The following IGF2BP2 variants were observed in gnomAD, a reference collection of about 807,000 sequenced individuals.
The protein encoded by IGF2BP2 is insulin-like growth factor 2 mRNA-binding protein 2.
In IGF2BP2, 17 loss-of-function variants were observed where a neutral mutation model predicts 75.8. That is an observed-to-expected ratio of 0.22 (90% confidence interval 0.15 to 0.34). The LOEUF (loss-of-function observed/expected upper bound fraction) is 0.34. IGF2BP2 is among the 10% of genes least tolerant of loss of function. The probability of loss-of-function intolerance (pLI) is 1.00; values close to 1 mark genes in which losing one functional copy is unlikely to be tolerated. For synonymous variants in IGF2BP2, 288 were observed against 295.6 expected (o/e 0.97, Z 0.26); for missense variants, 516 against 772.4 (o/e 0.67, Z 3.93).
chr3:185,712,070 T>C (rs968528551), intron 2 of IGF2BP2, among the ~76,000 whole-genome samples: 1 of 152,222 alleles, frequency 6.6e-6, no homozygotes, highest in African/African-American at 2.4e-5. Context: ...GAGCCAGCAC[T>C]GAATCAGGAG....
chr3:185,663,408 T>C (rs1210370153), intron 10 of IGF2BP2, among the ~76,000 whole-genome samples: 1 of 152,198 alleles, frequency 6.6e-6, no homozygotes, highest in Non-Finnish European at 1.5e-5. Context: ...TTTCAAACTC[T>C]CAACTTCAGG....
At chr3:185,675,009 C>CTTTTTTTTTTTTTTTT (rs777364824) in intron 9 of IGF2BP2, 197 of 109,840 alleles carry the variant, frequency 1.8e-3, no homozygotes, top group East Asian at 3.0e-3. Flanking sequence ...TCTTGCTTTT[C>CTTTTTTTTTTTTTTTT]TTTTTTTTTT....
rs148922044 is a variant in IGF2BP2, at chr3:185,663,389, A to G, written c.1201-4980T>C. On this transcript the variant is annotated intron_variant, in intron 10 of 15. Coordinates refer to ENST00000382199, the MANE Select transcript of IGF2BP2 (RefSeq NM_006548.6). ...AGAGGGAGATGGGTAATTGTTATCC[A>G]CAGGCTTGTTTCAAACTCTCAACTT... 4.1e-3 allele frequency among the ~76,000 whole-genome samples: 630 copies of G among 152,328 alleles called. 6 individuals carry two copies. Among genetic ancestry groups the G allele is most frequent in the African/African-American group, 0.014 (596 of 41,568 alleles).
At chr3:185,697,728 T>A (rs1722767898) in intron 3 of IGF2BP2, among the ~76,000 whole-genome samples, 1 of 152,162 alleles carries the variant, frequency 6.6e-6, no homozygotes, top group Non-Finnish European at 1.5e-5. Flanking sequence ...AAGATAAAAA[T>A]CTTTTTAAAA....
At chr3:185,732,945 C>T (rs912646572) in intron 2 of IGF2BP2, among the ~76,000 whole-genome samples, 5 of 152,154 alleles carry the variant, frequency 3.3e-5, no homozygotes, top group African/African-American at 1.2e-4. Flanking sequence ...TGCTACTGTC[C>T]TGTTAATCCC....
intron 2 of IGF2BP2, among the ~76,000 whole-genome samples, chr3:185,758,346 C>T (rs892748565): frequency 6.6e-6 from 1 of 152,178 alleles, no homozygotes; most frequent in Non-Finnish European, 1.5e-5. Context: ...CAAGAGAAAG[C>T]ACAGGCTTCG....
chr3:185,801,827 C>T (rs968690681), intron 2 of IGF2BP2, among the ~76,000 whole-genome samples: 4 of 152,102 alleles, frequency 2.6e-5, no homozygotes, highest in African/African-American at 9.7e-5. Context: ...GCATGGAATA[C>T]TATGTAGCCA....
chr3:185,773,623 T>G (rs1016163082), intron 2 of IGF2BP2, among the ~76,000 whole-genome samples: 5 of 151,716 alleles, frequency 3.3e-5, no homozygotes, highest in Non-Finnish European at 7.4e-5. Flanking sequence ...CAAGGAGGGG[T>G]TTATTTATAA....
chr3:185,687,463 A>G (rs1201109829), intron 6 of IGF2BP2, among the ~76,000 whole-genome samples: 2 of 152,248 alleles, frequency 1.3e-5, no homozygotes, highest in African/African-American at 4.8e-5. Context: ...TCAGTAATGA[A>G]GCCAGTTTGG....
chr3:185,781,773 T>TTGTTTG (rs1735230531), intron 2 of IGF2BP2, among the ~76,000 whole-genome samples: 3 of 151,968 alleles, frequency 2.0e-5, no homozygotes, highest in Admixed American at 2.0e-4. Flanking sequence ...GGGTCATAAG[T>TTGTTTG]TGTTTGTGTT....
In IGF2BP2 at chr3:185,647,851, TCACAGGC is replaced by T. The variant is rs1285761412; in HGVS notation, c.1594-720_1594-714del. On this transcript the variant is annotated intron_variant, in intron 14 of 15. Coordinates refer to ENST00000382199, the MANE Select transcript of IGF2BP2 (RefSeq NM_006548.6). This position sits in a 1 kb window ranked among gnomAD's most constrained non-coding sequence, Gnocchi z 4.9. ...CTGGCCCTCTGGCCTGATGCCGAGC[TCACAGGC>T]GGGTTCAGCATGTGCTTTAGGGGAA... 6.6e-6 allele frequency among the ~76,000 whole-genome samples: 1 copy of T among 152,254 alleles called. No homozygotes were observed. The highest frequency in any genetic ancestry group is 2.4e-5 in the African/African-American group (1 of 41,468).
intron 7 of IGF2BP2, among the ~76,000 whole-genome samples, chr3:185,686,214 T>C (rs1721110195): frequency 6.6e-6 from 1 of 152,134 alleles, no homozygotes; most frequent in African/African-American, 2.4e-5. Flanking sequence ...TGAAACCTTG[T>C]CTCTTCTAAA....
chr3:185,786,948 T>C (rs1735975271), intron 2 of IGF2BP2, among the ~76,000 whole-genome samples: 1 of 152,238 alleles, frequency 6.6e-6, no homozygotes, highest in Admixed American at 6.5e-5. Context: ...TTTCACAACC[T>C]TTCGAAATGT....
At chr3:185,658,071 T>C (rs1337490448) in intron 11 of IGF2BP2, among the ~76,000 whole-genome samples, 1 of 152,220 alleles carries the variant, frequency 6.6e-6, no homozygotes, top group African/African-American at 2.4e-5. Context: ...TCTGGCCTTC[T>C]GCTTGCCCAT....
At chr3:185,704,301 T>C (rs1560324056) in intron 2 of IGF2BP2, among the ~76,000 whole-genome samples, 1 of 152,210 alleles carries the variant, frequency 6.6e-6, no homozygotes, top group Non-Finnish European at 1.5e-5. Flanking sequence ...CATTAGTGTG[T>C]CTTTCCTATT....
chr3:185,661,811 T>G (rs1327541564), intron 10 of IGF2BP2, among the ~76,000 whole-genome samples: 1 of 151,634 alleles, frequency 6.6e-6, no homozygotes, highest in Non-Finnish European at 1.5e-5. Context: ...GTGAAAGAAA[T>G]GAACAAGAAC....
chr3:185,743,887 C>A (rs549480136), intron 2 of IGF2BP2, among the ~76,000 whole-genome samples: 1 of 152,316 alleles, frequency 6.6e-6, no homozygotes, highest in Admixed American at 6.5e-5. Context: ...CAAAGGTAAT[C>A]CGCACAAAAT....
Position 185,652,101 on chromosome 3 carries a change from T to G in IGF2BP2, c.1454A>C (p.Gln485Pro). 1 of 1,612,658 alleles carries G rather than the reference T, an allele frequency of 6.2e-7. No homozygotes were observed. Among genetic ancestry groups the G allele is most frequent in the Non-Finnish European group, 8.5e-7 (1 of 1,179,080 alleles). ...GTGTCCCTTGGCACTAACCTTGAACTGGGCTTCCGGTGGCCCGGTGATGAT... is the reference window on the plus strand; with the variant it reads ...GTGTCCCTTGGCACTAACCTTGAACGGGGCTTCCGGTGGCCCGGTGATGAT... Reference protein sequence around the residue: ...MVIITGPPEAQFKAQGRIFGK... With the variant: ...MVIITGPPEAPFKAQGRIFGK... Residue 485 changes from glutamine to proline, a missense_variant, in exon 13 of 16, where the codon CAG (glutamine) becomes CCG (proline). By Grantham distance (76) the Gln-to-Pro change is moderately conservative (BLOSUM62 -1). This residue lies in a region of IGF2BP2 where 129 missense variants were observed against 230.5 expected (regional missense o/e 0.56). Coordinates refer to ENST00000382199, the MANE Select transcript of IGF2BP2 (RefSeq NM_006548.6).
At chr3:185,665,480 A>AG (rs1717344397) in intron 10 of IGF2BP2, among the ~76,000 whole-genome samples, 2 of 61,052 alleles carry the variant, frequency 3.3e-5, no homozygotes, top group African/African-American at 1.6e-4. Flanking sequence ...AAGAAGGAGA[A>AG]GAAGGAGGAG....
Sources: gnomAD v4.1 joint callset for allele counts (sites outside exome capture counted in the v4.1 genomes callset) on GRCh38, gnomAD v4.1.1 for gene constraint, gnomAD v4.1.1 regional missense constraint, Gnocchi (gnomAD v3.1) non-coding constraint, MANE v1.5 for transcripts, NCBI Gene and HGNC (gene_info 2026-07-23, HGNC 2026-07-21) for gene names.